GRHL2: variants seen among roughly 807,000 people sequenced by gnomAD.
GRHL2 encodes the protein grainyhead-like protein 2 homolog.
Under a neutral mutation model 83.8 loss-of-function variants are expected in GRHL2, and 21 were observed. The ratio of observed to expected loss-of-function variants is 0.25; its 90% CI spans 0.18 to 0.36. The LOEUF is 0.36. Among genes scored for constraint, GRHL2 ranks in the 10% least tolerant of loss-of-function variants. GRHL2 has a pLI of 1.00. For synonymous variants in GRHL2, 280 were observed against 278.9 expected (o/e 1.00, Z -0.04); for missense variants, 623 against 781.8 (o/e 0.80, Z 2.42).
intron 14 of GRHL2, among the ~76,000 whole-genome samples, chr8:101,659,999 T>C (rs16868159): frequency 0.099 from 14,999 of 152,240 alleles, 826 homozygotes; most frequent in Middle Eastern, 0.14. Flanking sequence ...CTGGAAACTT[T>C]TTTTTTTACC....
intron 7 of GRHL2, among the ~76,000 whole-genome samples, chr8:101,593,466 A>G (rs1812327988): frequency 6.6e-6 from 1 of 151,984 alleles, no homozygotes; most frequent in African/African-American, 2.4e-5. Flanking sequence ...GTTCACAAAG[A>G]TGTATTTTAT....
chr8:101,621,766 T>C (rs537866493), intron 9 of GRHL2, among the ~76,000 whole-genome samples: 5 of 152,082 alleles, frequency 3.3e-5, no homozygotes, highest in African/African-American at 1.2e-4. Flanking sequence ...GGTTCAGTGA[T>C]GCATGTCTGT....
At chr8:101,661,726 A>C (rs1212591548) in intron 14 of GRHL2, among the ~76,000 whole-genome samples, 1 of 152,216 alleles carries the variant, frequency 6.6e-6, no homozygotes, top group African/African-American at 2.4e-5. Context: ...TGGGTGAAAT[A>C]CACTGCTCTT....
chr8:101,521,388 C>A (rs1649557576), intron 1 of GRHL2, among the ~76,000 whole-genome samples: 1 of 152,196 alleles, frequency 6.6e-6, no homozygotes, highest in African/African-American at 2.4e-5. Context: ...CAGTGACGGG[C>A]AACAGGATCT....
At position 101,573,711 on chromosome 8, in the gene GRHL2, C is replaced by G. The variant is rs1811874247; in HGVS notation, c.778C>G (p.Gln260Glu). The G allele has an allele frequency of 3.1e-6, 5 of 1,614,174 alleles. No homozygotes were observed. Among genetic ancestry groups the G allele is most frequent in the Non-Finnish European group, 4.2e-6 (5 of 1,180,032 alleles). Residue 260 changes from glutamine (Q) to glutamate (E), a missense_variant, in exon 6 of 16, where the codon CAG becomes GAG. Around this residue, in one of 8 missense-constraint regions of GRHL2, gnomAD observed 239 missense variants for 240.5 expected, o/e 0.99. Coordinates refer to ENST00000646743, the MANE Select transcript of GRHL2 (RefSeq NM_024915.4). Reference sequence around the variant, plus strand: ...CCTGGAAGCCACCAAATCTCTCCGTCAGAAGCAGGGGGAGGGCCCCATGAC... The same window carrying G: ...CCTGGAAGCCACCAAATCTCTCCGTGAGAAGCAGGGGGAGGGCCCCATGAC... The part of the protein sequence containing the change: ...YTLEATKSLR[Q>E]KQGEGPMTYL...
intron 4 of GRHL2, among the ~76,000 whole-genome samples, chr8:101,559,760 A>G (rs1462478251): frequency 1.3e-5 from 2 of 152,188 alleles, no homozygotes; most frequent in African/African-American, 2.4e-5. Flanking sequence ...ATTGTATACA[A>G]TTGTGAAACC....
chr8:101,641,981 G>T (rs1813410999), intron 12 of GRHL2, among the ~76,000 whole-genome samples: 2 of 152,154 alleles, frequency 1.3e-5, no homozygotes, highest in Admixed American at 6.5e-5. Flanking sequence ...ATAAGGAAAA[G>T]TCTGTACATG....
chr8:101,678,089 C>T, the GRHL2 span, among the ~76,000 whole-genome samples: 11 of 152,224 alleles, frequency 7.2e-5, no homozygotes, highest in Admixed American at 1.3e-4. Context: ...GAAGGAGGTC[C>T]GGAATAGGAA....
At chr8:101,524,029 C>G (rs1810751330) in intron 1 of GRHL2, among the ~76,000 whole-genome samples, 1 of 152,200 alleles carries the variant, frequency 6.6e-6, no homozygotes, top group African/African-American at 2.4e-5. Context: ...ATGTGCCTCT[C>G]TCAGGGTATA....
chr8:101,631,525 G>T, intron 9 of GRHL2, 112 bp from the exon 10 acceptor site: 1 of 869,694 alleles, frequency 1.1e-6, no homozygotes, highest in Non-Finnish European at 1.9e-6. Context: ...GGGGCTGCTT[G>T]GTTACCTCCT....
At chr8:101,503,434 C>T (rs928785016) in intron 1 of GRHL2, among the ~76,000 whole-genome samples, 2 of 152,268 alleles carry the variant, frequency 1.3e-5, no homozygotes, top group African/African-American at 4.8e-5. Context: ...GATGATATAA[C>T]AGAGATATTC....
chr8:101,562,208 C>G, intron 4 of GRHL2: 1 of 608,936 alleles, frequency 1.6e-6, no homozygotes. Context: ...CTTCAACTCT[C>G]TTCATTGAAT....
At chr8:101,611,841 A>T (rs1397906374) in intron 8 of GRHL2, among the ~76,000 whole-genome samples, 2 of 150,762 alleles carry the variant, frequency 1.3e-5, no homozygotes, top group Admixed American at 6.6e-5. Flanking sequence ...CACCTTCCAG[A>T]TATAAACCCT....
chr8:101,595,256 T>A (rs900151912), intron 7 of GRHL2, among the ~76,000 whole-genome samples: 4 of 152,250 alleles, frequency 2.6e-5, no homozygotes, highest in Admixed American at 6.5e-5. Context: ...TATCTGTATC[T>A]ATATTGCATT....
At chr8:101,596,617 G>A (rs1263483129) in intron 7 of GRHL2, among the ~76,000 whole-genome samples, 1 of 152,080 alleles carries the variant, frequency 6.6e-6, no homozygotes, top group African/African-American at 2.4e-5. Context: ...TTATTGACAT[G>A]GGAAGATGCT....
chr8:101,658,979 T>C (rs1813857645), intron 14 of GRHL2, among the ~76,000 whole-genome samples: 1 of 152,200 alleles, frequency 6.6e-6, no homozygotes, highest in Non-Finnish European at 1.5e-5. Flanking sequence ...GGCAGTCTGG[T>C]GAAATATATG....
intron 1 of GRHL2, among the ~76,000 whole-genome samples, chr8:101,522,225 G>T (rs746555964): frequency 3.4e-4 from 51 of 151,982 alleles, no homozygotes; most frequent in African/African-American, 8.2e-4. Flanking sequence ...CATATCCAAG[G>T]TTCCAAAACT....
At chr8:101,549,465 A>T (rs1381268914) in intron 2 of GRHL2, among the ~76,000 whole-genome samples, 2 of 152,206 alleles carry the variant, frequency 1.3e-5, no homozygotes, top group African/African-American at 4.8e-5. Context: ...CTGATTCAGC[A>T]GCCCAAGCAA....
chr8:101,657,977 C>T (rs573363263), intron 14 of GRHL2, among the ~76,000 whole-genome samples: 27 of 152,208 alleles, frequency 1.8e-4, no homozygotes, highest in Non-Finnish European at 1.3e-4. Context: ...GTGATCTCAT[C>T]CAGCCCCTGG....
Sources: gnomAD v4.1 joint callset for allele counts (sites outside exome capture counted in the v4.1 genomes callset) on GRCh38, gnomAD v4.1.1 for gene constraint, gnomAD v4.1.1 regional missense constraint, MANE v1.5 for transcripts, NCBI Gene and HGNC (gene_info 2026-07-23, HGNC 2026-07-21) for gene names.